UBE2E3: variants seen among roughly 807,000 people sequenced by gnomAD.
UBE2E3 encodes the protein ubiquitin-conjugating enzyme E2 E3.
UBE2E3 carries 5 observed loss-of-function variants against 23.6 expected under a neutral mutation model. That is an observed-to-expected ratio of 0.21 (90% confidence interval 0.11 to 0.44). The LOEUF is 0.44. Ranked by LOEUF, UBE2E3 falls within the 20% of genes least tolerant of loss-of-function variation. The probability of loss-of-function intolerance (pLI) is 0.99; values close to 1 mark genes in which losing one functional copy is unlikely to be tolerated. For missense variants in UBE2E3, 81 were observed against 249.8 expected, an observed-to-expected ratio of 0.32 and a Z score of 4.55; for synonymous variants, 78 against 87.5, an observed-to-expected ratio of 0.89 and a Z score of 0.60.
At chr2:180,987,131 T>C (rs1366157496) in intron 3 of UBE2E3, among the ~76,000 whole-genome samples, 1 of 152,162 alleles carries the variant, frequency 6.6e-6, no homozygotes, top group African/African-American at 2.4e-5. Flanking sequence ...TGGAGGGCCA[T>C]GGGCCATAGT....
At chr2:181,035,651 TTC>T (rs1412306015) in intron 3 of UBE2E3, among the ~76,000 whole-genome samples, 2 of 152,144 alleles carry the variant, frequency 1.3e-5, no homozygotes, top group Non-Finnish European at 2.9e-5. Context: ...CCAACACAAA[TTC>T]GAAAACTTCC....
intron 3 of UBE2E3, among the ~76,000 whole-genome samples, chr2:181,024,224 T>C (rs1685803658): frequency 2.6e-5 from 4 of 152,156 alleles, no homozygotes; most frequent in South Asian, 2.1e-4. Context: ...GATGAGCCTC[T>C]TGACTGACTC....
chr2:181,022,846 G>T (rs1685752714), intron 3 of UBE2E3, among the ~76,000 whole-genome samples: 1 of 152,050 alleles, frequency 6.6e-6, no homozygotes, highest in Non-Finnish European at 1.5e-5. Context: ...TCTGCGCATT[G>T]TCTGTAAATG....
Position 180,998,751 on chromosome 2 carries a change from C to T in UBE2E3, c.245+14658C>T, listed in dbSNP as rs117663626. Among the ~76,000 whole-genome samples the T allele has an allele frequency of 1.1e-3, 167 of 152,064 alleles. 5 individuals are homozygous for T. In the East Asian group the frequency reaches 0.031, roughly 28 times the overall value. ...AGCTGAAAGTAGAAGTAAATCAGAA[C>T]GTAATAAGATGCAACTTTGGAGGAG... On this transcript the variant is annotated intron_variant, in intron 3 of 5. Coordinates refer to ENST00000410062, the MANE Select transcript of UBE2E3 (RefSeq NM_006357.4).
chr2:181,030,822 AT>A (rs1400973941), intron 3 of UBE2E3, among the ~76,000 whole-genome samples: 2 of 151,654 alleles, frequency 1.3e-5, no homozygotes. Context: ...TAGAGCATTT[AT>A]TTTTTTCATG....
intron 3 of UBE2E3, among the ~76,000 whole-genome samples, chr2:180,999,887 A>G (rs993178396): frequency 1.3e-5 from 2 of 151,338 alleles, no homozygotes; most frequent in East Asian, 3.9e-4. Flanking sequence ...ATAATGATAT[A>G]AAAAGCAGTT....
At chr2:181,004,567 A>T (rs565136429) in intron 3 of UBE2E3, among the ~76,000 whole-genome samples, 1 of 152,190 alleles carries the variant, frequency 6.6e-6, no homozygotes, top group Admixed American at 6.5e-5. Context: ...ATGGAGGCGG[A>T]GGTTGCAGTG....
At chr2:181,017,261 TC>T (rs1685522755) in intron 3 of UBE2E3, among the ~76,000 whole-genome samples, 1 of 152,102 alleles carries the variant, frequency 6.6e-6, no homozygotes, top group Non-Finnish European at 1.5e-5. Flanking sequence ...TGGTCAAGAC[TC>T]CTGGAAATAG....
chr2:180,990,873 T>G (rs1159368749), intron 3 of UBE2E3, among the ~76,000 whole-genome samples: 1 of 152,230 alleles, frequency 6.6e-6, no homozygotes, highest in Non-Finnish European at 1.5e-5. Flanking sequence ...GTTACTTCAA[T>G]TTTTACAAGT....
intron 3 of UBE2E3, among the ~76,000 whole-genome samples, chr2:181,034,582 C>G (rs1041870557): frequency 3.9e-5 from 6 of 152,088 alleles, no homozygotes; most frequent in Admixed American, 3.9e-4. Flanking sequence ...ATGTAAATGA[C>G]AAGTTAATGG....
At chr2:181,061,843 T>A (rs1419588697) in intron 5 of UBE2E3, among the ~76,000 whole-genome samples, 1 of 151,448 alleles carries the variant, frequency 6.6e-6, no homozygotes, top group African/African-American at 2.4e-5. Flanking sequence ...TTACTGTTGT[T>A]ACCTTATGCT....
intron 3 of UBE2E3, among the ~76,000 whole-genome samples, chr2:180,990,906 C>T (rs1473955165): frequency 6.6e-6 from 1 of 152,130 alleles, no homozygotes; most frequent in African/African-American, 2.4e-5. Context: ...ATTTGAAACC[C>T]TTGGGGCCAG....
chr2:181,005,032 T>C (rs758845308), intron 3 of UBE2E3, among the ~76,000 whole-genome samples: 3 of 152,238 alleles, frequency 2.0e-5, no homozygotes, highest in Non-Finnish European at 4.4e-5. Flanking sequence ...AAAAATTGAC[T>C]TTGAATGCCT....
At chr2:181,055,022 T>C (rs768666780) in intron 3 of UBE2E3, among the ~76,000 whole-genome samples, 8 of 151,682 alleles carry the variant, frequency 5.3e-5, no homozygotes, top group Non-Finnish European at 1.2e-4. Context: ...TCAAATAATA[T>C]GAAGATTGAG....
intron 3 of UBE2E3, among the ~76,000 whole-genome samples, chr2:180,986,179 A>C (rs751761094): frequency 6.6e-6 from 1 of 152,116 alleles, no homozygotes; most frequent in Non-Finnish European, 1.5e-5. Flanking sequence ...ATGACTATCA[A>C]CTGCTGCAAA....
chr2:181,009,527 CTTTA>C (rs920370320), intron 3 of UBE2E3, among the ~76,000 whole-genome samples: 4 of 90,178 alleles, frequency 4.4e-5, no homozygotes, highest in African/African-American at 1.4e-4. Flanking sequence ...TTATACTAGG[CTTTA>C]TTTATACTAG....
intron 3 of UBE2E3, among the ~76,000 whole-genome samples, chr2:181,012,803 T>C (rs1316193616): frequency 1.3e-5 from 2 of 152,192 alleles, no homozygotes; most frequent in Non-Finnish European, 2.9e-5. Context: ...TAAAGTTTTA[T>C]TATCTAACCC....
At chr2:181,022,652 G>A (rs76359797) in intron 3 of UBE2E3, among the ~76,000 whole-genome samples, 1 of 151,114 alleles carries the variant, frequency 6.6e-6, no homozygotes, top group Admixed American at 6.6e-5. Flanking sequence ...TTATGTTGGG[G>A]ACCATTTCAA....
chr2:181,058,794 T>C (rs115005292), intron 4 of UBE2E3, among the ~76,000 whole-genome samples: 2,124 of 151,906 alleles, frequency 0.014, 24 homozygotes, highest in Non-Finnish European at 0.023. Context: ...CAGTAACTTA[T>C]TGTCTAACAA....
Sources: gnomAD v4.1 joint callset for allele counts (sites outside exome capture counted in the v4.1 genomes callset) on GRCh38, gnomAD v4.1.1 for gene constraint, MANE v1.5 for transcripts, NCBI Gene and HGNC (gene_info 2026-07-23, HGNC 2026-07-21) for gene names.